The following ADH1A variants were observed in gnomAD, a reference collection of about 807,000 sequenced individuals.
ADH1A encodes alcohol dehydrogenase 1A (class I), alpha polypeptide.
ADH1A carries 29 observed loss-of-function variants against 35.2 expected under a neutral mutation model. That is an observed-to-expected ratio of 0.82 (90% CI 0.61 to 1.12). ADH1A has a LOEUF of 1.12. Among genes scored for constraint, ADH1A ranks in the 50% most tolerant of loss-of-function variants. The pLI, the probability that ADH1A is intolerant of heterozygous loss-of-function variation, is 0.00. For synonymous variants in ADH1A, 147 were observed against 164.8 expected (o/e 0.89, Z 0.83); for missense variants, 469 against 464.7 (o/e 1.01, Z -0.09).
At position 99,282,521 on chromosome 4, in the gene ADH1A, G is replaced by A. The variant is rs749157936; in HGVS notation, c.653C>T (p.Ala218Val). The A allele has an allele frequency of 3.7e-6, 6 of 1,614,190 alleles. No homozygotes were observed. Among genetic ancestry groups the A allele is most frequent in the Non-Finnish European group, 5.1e-6 (6 of 1,180,042 alleles). Reference sequence around the variant, plus strand: ...GTTGATGTCCACCGCAATGATTCTGGCTGCCCCAGCTGCTTTACAGCCCAT... The same window carrying A: ...GTTGATGTCCACCGCAATGATTCTGACTGCCCCAGCTGCTTTACAGCCCAT... ...AIMGCKAAGA[A>V]RIIAVDINKD... The change falls in exon 6 of 9, where the codon GCC becomes GTC. Residue 218 changes from alanine (A) to valine (V), a missense_variant. Physicochemically the swap from Ala to Val is moderately conservative, Grantham distance 64. Coordinates refer to ENST00000209668, the MANE Select transcript of ADH1A (RefSeq NM_000667.4).
At chr4:99,290,846 T>G (rs1733270945) in intron 1 of ADH1A, 51 bp downstream of exon 1, 1 of 1,552,780 alleles carries the variant, frequency 6.4e-7, no homozygotes, top group Non-Finnish European at 8.9e-7. Context: ...ATTACTTTCT[T>G]TGTTATATTG....
intron 1 of ADH1A, 147 bp from the exon 2 acceptor site, chr4:99,287,812 AAG>A: frequency 1.3e-6 from 1 of 752,992 alleles, no homozygotes; most frequent in Non-Finnish European, 2.0e-6. Flanking sequence ...CTGATTTATA[AAG>A]AGAAAAAAAT....
Position 99,284,726 on chromosome 4 carries a change from A to C in ADH1A, c.337T>G (p.Leu113Val). The change falls in exon 4 of 9, where the codon TTG becomes GTG. Residue 113 changes from leucine to valine, a missense_variant. Transcript: ENST00000209668. ...ICKNPESNYC[L>V]KNDVSNPQGT... Reference sequence around the variant, plus strand: ...GCATCAGAAACCTACTCGTTTTTCAAGCAGTAGTTGCTCTCCGGGTTTTTA... The same window carrying C: ...GCATCAGAAACCTACTCGTTTTTCACGCAGTAGTTGCTCTCCGGGTTTTTA... 6.2e-7 allele frequency: 1 copy of C among 1,614,178 alleles called. No individual in the cohort carries two copies. Among genetic ancestry groups the C allele is most frequent in the Non-Finnish European group, 8.5e-7 (1 of 1,180,004 alleles).
chr4:99,286,701 G>A, intron 3 of ADH1A, 149 bp downstream of exon 3: 2 of 1,335,254 alleles, frequency 1.5e-6, no homozygotes, highest in East Asian at 2.3e-5. Context: ...AGTCAGGCAG[G>A]AAGAGAGGGA....
At chr4:99,280,885 C>A (rs538790391) in intron 6 of ADH1A, among the ~76,000 whole-genome samples, 1 of 152,048 alleles carries the variant, frequency 6.6e-6, no homozygotes, top group Non-Finnish European at 1.5e-5. Flanking sequence ...CTCAAAAGAC[C>A]GTTCAGAAAG....
Position 99,282,515 on chromosome 4 carries a change from A to C in ADH1A, c.659T>G (p.Ile220Ser). The change falls in exon 6 of 9, where the codon ATC becomes AGC. Residue 220 changes from isoleucine (I) to serine (S), a missense_variant. Physicochemically the swap from Ile to Ser is moderately radical, Grantham distance 142 (BLOSUM62 -2). Coordinates refer to ENST00000209668, the MANE Select transcript of ADH1A (RefSeq NM_000667.4). ...MGCKAAGAAR[I>S]IAVDINKDKF... Reference sequence around the variant, plus strand: ...GTCCTTGTTGATGTCCACCGCAATGATTCTGGCTGCCCCAGCTGCTTTACA... The same window carrying C: ...GTCCTTGTTGATGTCCACCGCAATGCTTCTGGCTGCCCCAGCTGCTTTACA... The C allele has an allele frequency of 6.2e-7, 1 of 1,614,194 alleles. No homozygotes were observed. Among genetic ancestry groups the C allele is most frequent in the Non-Finnish European group, 8.5e-7 (1 of 1,180,040 alleles).
chr4:99,282,709 CA>C, intron 5 of ADH1A, 103 bp from the exon 6 acceptor site: 1 of 1,511,456 alleles, frequency 6.6e-7, no homozygotes, highest in African/African-American at 1.4e-5. Flanking sequence ...AATCTGTTAT[CA>C]AAACCTCTTT....
intron 7 of ADH1A, among the ~76,000 whole-genome samples, 153 bp downstream of exon 7, chr4:99,279,991 A>G (rs1224712789): frequency 6.6e-6 from 1 of 152,212 alleles, no homozygotes; most frequent in Non-Finnish European, 1.5e-5. Context: ...TTCTGCCTGC[A>G]TTAGTTCCAT....
At position 99,286,986 on chromosome 4, in the gene ADH1A, C is replaced by T; in HGVS notation, c.123G>A (p.Met41Ile). Residue 41 changes from methionine to isoleucine, a missense_variant and splice_region_variant, in exon 3 of 9, where the codon ATG (methionine) becomes ATA (isoleucine). Coordinates refer to ENST00000209668, the MANE Select transcript of ADH1A (RefSeq NM_000667.4). ...PPKAHEVRIK[M>I]VAVGICGTDD... ...CTGTGCCACAGATTCCTACAGCCACCATCTACAGAGTGAAGAGAAGATGTT... is the reference window on the plus strand; with the variant it reads ...CTGTGCCACAGATTCCTACAGCCACTATCTACAGAGTGAAGAGAAGATGTT... The T allele has an allele frequency of 1.9e-6, 3 of 1,613,578 alleles. No individual in the cohort carries two copies. Among genetic ancestry groups the T allele is most frequent in the Non-Finnish European group, 1.7e-6 (2 of 1,179,778 alleles).
rs1409722063 is a variant in ADH1A, at chr4:99,281,912, G to T, written c.828+434C>A. On this transcript the variant is annotated intron_variant, in intron 6 of 8. Coordinates refer to ENST00000209668, the MANE Select transcript of ADH1A (RefSeq NM_000667.4). ...TGGCCTAAAATTGCTTACTTCTTTT[G>T]GCCAAATACTAATATGTTTAAAAAA... 7 of 194,074 alleles carry T rather than the reference G, an allele frequency of 3.6e-5. No homozygotes were observed. In the South Asian group the frequency reaches 5.7e-4, roughly 16 times the overall value. 12.0% of individuals were successfully genotyped at this position (194,074 alleles called of 1,614,324 possible).
In ADH1A at chr4:99,286,421, G is replaced by T. The variant is rs1229967; in HGVS notation, c.259+429C>A. Among the ~76,000 whole-genome samples, 181 of 152,174 alleles carry T rather than the reference G, an allele frequency of 1.2e-3. 1 individual carries two copies. The highest frequency in any genetic ancestry group is 4.2e-3 in the African/African-American group (176 of 41,538). ...GCTCATTCAGCCGTAGCCATGTAGCGTCCATTTTGTGAACTCAGCACAGAA... is the reference window on the plus strand; with the variant it reads ...GCTCATTCAGCCGTAGCCATGTAGCTTCCATTTTGTGAACTCAGCACAGAA... On this transcript the variant is annotated intron_variant, in intron 3 of 8. Coordinates refer to ENST00000209668, the MANE Select transcript of ADH1A (RefSeq NM_000667.4).
chr4:99,280,745 T>C (rs750078508), intron 6 of ADH1A, among the ~76,000 whole-genome samples: 2 of 152,212 alleles, frequency 1.3e-5, no homozygotes, highest in Non-Finnish European at 2.9e-5. Context: ...TCTTGTCCAC[T>C]TGATGGTCTC....
At chr4:99,282,702 C>T (rs746144257) in intron 5 of ADH1A, 96 bp from the exon 6 acceptor site, 58 of 1,520,988 alleles carry the variant, frequency 3.8e-5, no homozygotes, top group Non-Finnish European at 4.9e-5. Flanking sequence ...TCTGTTCAAT[C>T]TGTTATCAAA....
chr4:99,287,069 T>G, intron 2 of ADH1A, 81 bp from the exon 3 acceptor site: 48 of 1,466,482 alleles, frequency 3.3e-5, no homozygotes, highest in East Asian at 4.6e-5. Context: ...GAAATTGCGC[T>G]TCCAAAATGT....
chr4:99,285,891 G>A (rs948329840), intron 3 of ADH1A, among the ~76,000 whole-genome samples: 1 of 151,718 alleles, frequency 6.6e-6, no homozygotes, highest in Non-Finnish European at 1.5e-5. Context: ...GTGTGGTGGC[G>A]GGCACCTGTG....
Position 99,279,485 on chromosome 4 carries a change from G to A in ADH1A, c.1044C>T (p.Thr348=), listed in dbSNP as rs148488169. ...TTATTTTTTCAAAAGGTAAAACATGGGTTATTAATGCATCCAATGAAAACT... is the reference window on the plus strand; with the variant it reads ...TTATTTTTTCAAAAGGTAAAACATGAGTTATTAATGCATCCAATGAAAACT... ...AKKFSLDALI[T]HVLPFEKINE... The change falls in exon 8 of 9, where the codon ACC becomes ACT. Residue 348 remains threonine (T), a synonymous_variant. Coordinates refer to ENST00000209668, the MANE Select transcript of ADH1A (RefSeq NM_000667.4). 1.2e-6 allele frequency: 2 copies of A among 1,611,350 alleles called. No individual in the cohort carries two copies. The highest frequency in any genetic ancestry group is 2.7e-5 in the African/African-American group (2 of 74,814).
chr4:99,280,116 A>G, intron 7 of ADH1A, 28 bp downstream of exon 7: 1 of 1,613,580 alleles, frequency 6.2e-7, no homozygotes, highest in Non-Finnish European at 8.5e-7. Flanking sequence ...GGTTAATGAG[A>G]ATTTGGCTCT....
chr4:99,279,293 T>C lies in ADH1A; in HGVS notation c.1103+133A>G, dbSNP rs1235818136. ...TTAAACTTCTCTTACAAGCTCTCCA[T>C]GTAAAGACTGAACTGGTAATGGAAG... On this transcript the variant is annotated intron_variant, in intron 8 of 8. Coordinates refer to ENST00000209668, the MANE Select transcript of ADH1A (RefSeq NM_000667.4). 2.5e-6 allele frequency: 3 copies of C among 1,205,618 alleles called. No individual in the cohort carries two copies. In the African/African-American group the frequency reaches 4.7e-5, roughly 19 times the overall value. 74.7% of individuals were successfully genotyped at this position (1,205,618 alleles called of 1,614,324 possible).
chr4:99,279,420 A>G lies in ADH1A; in HGVS notation c.1103+6T>C. The G allele has an allele frequency of 6.3e-7, 1 of 1,587,004 alleles. No homozygotes were observed. The highest frequency in any genetic ancestry group is 8.5e-7 in the Non-Finnish European group (1 of 1,172,946). ...AGCAAAACAGAAAACTAACTAAAAA[A>G]TCTACCTTTTCCCAGAGTGAAGCAG... is the stretch of plus-strand genomic sequence containing the variant. On this transcript the variant is annotated splice_donor_region_variant and intron_variant, in intron 8 of 8. Transcript: ENST00000209668.
Sources: gnomAD v4.1 joint callset for allele counts (sites outside exome capture counted in the v4.1 genomes callset) on GRCh38, gnomAD v4.1.1 for gene constraint, MANE v1.5 for transcripts, NCBI Gene and HGNC (gene_info 2026-07-23, HGNC 2026-07-21) for gene names.